COL11A2: variants seen among roughly 807,000 people sequenced by gnomAD.
COL11A2 encodes collagen type XI alpha 2 chain.
In COL11A2, 116 loss-of-function variants were observed where a neutral mutation model predicts 273.4. The ratio of observed to expected loss-of-function variants is 0.42; its 90% CI spans 0.36 to 0.49. The LOEUF is 0.49. Among genes scored for constraint, COL11A2 ranks in the 20% least tolerant of loss-of-function variants. The probability of loss-of-function intolerance (pLI) is 0.00; values close to 1 mark genes in which losing one functional copy is unlikely to be tolerated. For synonymous variants in COL11A2, 782 were observed against 864.2 expected, an observed-to-expected ratio of 0.90 and a Z score of 1.67; for missense variants, 1,866 against 2,309.0, an observed-to-expected ratio of 0.81 and a Z score of 3.93.
chr6:33,173,193 GC>G lies in COL11A2; in HGVS notation c.2737-81del. On this transcript the variant is annotated intron_variant, in intron 37 of 65. Transcript: ENST00000341947. This position sits in a 1 kb window ranked among gnomAD's most constrained non-coding sequence, Gnocchi z 6.3. The stretch of plus-strand genomic sequence containing the variant: ...AGATTCCCAGGAGGAAGGATCCCAG[GC>G]AGGATCACACCAAGCCCTGGGCCCT... 6.4e-7 allele frequency: 1 copy of G among 1,553,400 alleles called. No homozygotes were observed.
Position 33,163,846 on chromosome 6 carries a change from T to A in COL11A2, c.5071-28A>T, listed in dbSNP as rs902194169. 1 of 1,612,644 alleles carries A rather than the reference T, an allele frequency of 6.2e-7. No homozygotes were observed. The highest frequency in any genetic ancestry group is 8.5e-7 in the Non-Finnish European group (1 of 1,179,864). On this transcript the variant is annotated intron_variant, in intron 65 of 65. Transcript: ENST00000341947. This position sits in a 1 kb window ranked among gnomAD's most constrained non-coding sequence, Gnocchi z 4.1. ...TCAGGGGGAGACAAGGAAGAAAGTG[T>A]GAGCAGGATGGAGGCACCCCCCACC...
intron 12 of COL11A2, 44 bp downstream of exon 12, chr6:33,180,214 T>C: frequency 6.4e-7 from 1 of 1,570,152 alleles, no homozygotes; most frequent in Non-Finnish European, 8.8e-7. Flanking sequence ...CACAATTCCT[T>C]GTCTTCCCCA....
intron 3 of COL11A2, 96 bp downstream of exon 3, chr6:33,188,882 G>A: frequency 5.8e-6 from 8 of 1,385,214 alleles, no homozygotes; most frequent in African/African-American, 1.4e-5. Context: ...GTGGCCCAAA[G>A]GGTCTCAAGG....
At chr6:33,185,555 A>AGGG in intron 6 of COL11A2, 146 bp downstream of exon 6, 1 of 457,566 alleles carries the variant, frequency 2.2e-6, no homozygotes, top group Non-Finnish European at 4.4e-6. Context: ...AGAGACAGGG[A>AGGG]GGGGGCAGGA....
rs115879584 is a variant in COL11A2 at position 33,185,189 on chromosome 6, A to C, written c.877-135T>G. ...TGCTGGGGGATGGGGGAAATCTCAG[A>C]TCTTGCAGCCCCTTTGGAGGGGGAT... On this transcript the variant is annotated intron_variant, in intron 6 of 65. Coordinates refer to ENST00000341947, the MANE Select transcript of COL11A2 (RefSeq NM_080680.3). The C allele has an allele frequency of 0.12, 89,632 of 720,278 alleles. 7,622 individuals are homozygous for C. The highest frequency in any genetic ancestry group is 0.31 in the Admixed American group (15,085 of 49,296). The allele number at this position is 720,278 out of a possible 1,614,324, so 44.6% of individuals were successfully genotyped here.
Position 33,166,550 on chromosome 6 carries a change from G to A in COL11A2, c.4355C>T (p.Ser1452Phe). 6.2e-7 allele frequency: 1 copy of A among 1,613,856 alleles called. No homozygotes were observed. The highest frequency in any genetic ancestry group is 8.5e-7 in the Non-Finnish European group (1 of 1,179,864). Residue 1452 changes from serine (S) to phenylalanine (F), a missense_variant, in exon 60 of 66, where the codon TCC becomes TTC. By Grantham distance (155) the Ser-to-Phe change is radical (BLOSUM62 -2). Transcript: ENST00000341947. The surrounding 1 kb of genome is among the most constrained non-coding windows in gnomAD (Gnocchi z 4.8). ...QKGEMGIPGA[S>F]GPIGPGGPPG... ...GGGACCTCCAGGACCAATGGGGCCG[G>A]ATGCTCCTGGGATACCCTAGGAAGG...
intron 11 of COL11A2, 122 bp downstream of exon 11, chr6:33,180,546 A>C: frequency 9.5e-7 from 1 of 1,048,700 alleles, no homozygotes; most frequent in Non-Finnish European, 1.4e-6. Context: ...GCTGGGAAGC[A>C]CAACCATCCC....
intron 30 of COL11A2, 129 bp downstream of exon 30, chr6:33,175,445 A>G: frequency 1.3e-6 from 1 of 771,690 alleles, no homozygotes; most frequent in Non-Finnish European, 2.3e-6. Context: ...ATTTACACAG[A>G]CAGAAGTATG....
chr6:33,186,929 A>G, intron 4 of COL11A2, 111 bp from the exon 5 acceptor site: 1 of 1,454,610 alleles, frequency 6.9e-7, no homozygotes, highest in African/African-American at 1.4e-5. Context: ...AAGATGGGAG[A>G]AGGTCACTGT....
chr6:33,176,399 C>G lies in COL11A2; in HGVS notation c.2169+34G>C. 1 of 1,610,664 alleles carries G rather than the reference C, an allele frequency of 6.2e-7. No homozygotes were observed. Among genetic ancestry groups the G allele is most frequent in the Non-Finnish European group, 8.5e-7 (1 of 1,178,864 alleles). ...AGACCCCATATAGCTCCCCTGACCA[C>G]AGCCCTTTGTCTCCCAGCCTGGTGG... On this transcript the variant is annotated intron_variant, in intron 27 of 65. Transcript: ENST00000341947. The surrounding 1 kb of genome is among the most constrained non-coding windows in gnomAD (Gnocchi z 4.9).
chr6:33,175,623 C>A lies in COL11A2; in HGVS notation c.2327G>T (p.Arg776Leu), dbSNP rs748159740. ...CCCAGGGTCTCCAGTCGGTCCAGTG[C>A]GTCCCTTTGGCCCCTCAGGACCATC... Reference protein sequence around the residue: ...GEDGPEGPKGRTGPTGDPGPP... With the variant: ...GEDGPEGPKGLTGPTGDPGPP... The change falls in exon 30 of 66, where the codon CGC becomes CTC. Residue 776 changes from arginine to leucine, a missense_variant. Transcript: ENST00000341947. The A allele has an allele frequency of 6.2e-7, 1 of 1,612,944 alleles. No homozygotes were observed. The highest frequency in any genetic ancestry group is 8.5e-7 in the Non-Finnish European group (1 of 1,180,006).
chr6:33,172,281 A>T lies in COL11A2; in HGVS notation c.2988+8T>A. On this transcript the variant is annotated splice_region_variant and intron_variant, in intron 40 of 65. Transcript: ENST00000341947. The stretch of plus-strand genomic sequence containing the variant: ...TGTGACAGGCAGGGGTCTGGGAGTC[A>T]CACTCACAGCAGTGCCTGGGAGGCC... The T allele has an allele frequency of 2.5e-6, 4 of 1,584,242 alleles. No individual in the cohort carries two copies. The highest frequency in any genetic ancestry group is 3.4e-6 in the Non-Finnish European group (4 of 1,165,472).
rs776791233 is a variant in COL11A2 at position 33,188,404 on chromosome 6, C to T, written c.564G>A (p.Val188=). The change falls in exon 4 of 66, where the codon GTG becomes GTA. Residue 188 remains valine (V), a synonymous_variant. Transcript: ENST00000341947. ...CCAGAATACGGGCACCAAAGATGAT[C>T]ACTCCATGGGTGTCCAATACTGGAC... ...SARPVLDTHG[V]IIFGARILDE... The T allele has an allele frequency of 4.3e-6, 7 of 1,612,914 alleles. No individual in the cohort carries two copies. The Admixed American group carries it at 8.3e-5, about 19-fold the overall frequency.
At position 33,172,278 on chromosome 6, in the gene COL11A2, G is replaced by A; in HGVS notation, c.2988+11C>T. ...GCTTGTGACAGGCAGGGGTCTGGGA[G>A]TCACACTCACAGCAGTGCCTGGGAG... On this transcript the variant is annotated intron_variant, in intron 40 of 65. Transcript: ENST00000341947. 6.3e-7 allele frequency: 1 copy of A among 1,584,798 alleles called. No homozygotes were observed. The highest frequency in any genetic ancestry group is 8.6e-7 in the Non-Finnish European group (1 of 1,165,846).
rs1208186272 is a variant in COL11A2, at chr6:33,175,529, C to T, written c.2376+45G>A. Reference sequence around the variant, plus strand: ...ACCCATGCCCATCCTGACCCCAGTGCCCACACCCCCAGAGGACCCAGGCAC... The same window carrying T: ...ACCCATGCCCATCCTGACCCCAGTGTCCACACCCCCAGAGGACCCAGGCAC... On this transcript the variant is annotated intron_variant, in intron 30 of 65. Transcript: ENST00000341947. The T allele has an allele frequency of 2.6e-6, 4 of 1,562,834 alleles. 1 individual carries two copies. The highest frequency in any genetic ancestry group is 3.5e-6 in the Non-Finnish European group (4 of 1,136,850).
In COL11A2 at chr6:33,188,453, G is replaced by A; in HGVS notation, c.515C>T (p.Thr172Ile). The stretch of plus-strand genomic sequence containing the variant: ...ACGAGCACTTCGGGGGAGAGGCCGG[G>A]TGACTCGCTTCTTGCAGTCAACAAT... Reference protein sequence around the residue: ...TLIVDCKKRVTRPLPRSARPV... With the variant: ...TLIVDCKKRVIRPLPRSARPV... Residue 172 changes from threonine (T) to isoleucine (I), a missense_variant, in exon 4 of 66, where the codon ACC (threonine) becomes ATC (isoleucine). Physicochemically the swap from Thr to Ile is moderately conservative, Grantham distance 89. Coordinates refer to ENST00000341947, the MANE Select transcript of COL11A2 (RefSeq NM_080680.3). 1 of 1,613,046 alleles carries A rather than the reference G, an allele frequency of 6.2e-7. No homozygotes were observed. Among genetic ancestry groups the A allele is most frequent in the Non-Finnish European group, 8.5e-7 (1 of 1,180,036 alleles).
Position 33,179,174 on chromosome 6 carries a change from G to T in COL11A2, c.1558-48C>A, listed in dbSNP as rs1161691540. The T allele has an allele frequency of 6.2e-7, 1 of 1,611,840 alleles. No individual in the cohort carries two copies. Among genetic ancestry groups the T allele is most frequent in the Admixed American group, 1.7e-5 (1 of 59,606 alleles). On this transcript the variant is annotated intron_variant, in intron 15 of 65. Transcript: ENST00000341947. This position sits in a 1 kb window ranked among gnomAD's most constrained non-coding sequence, Gnocchi z 6.4. The stretch of plus-strand genomic sequence containing the variant: ...GGGGTTAGGAGGCATAGGGAGGGGA[G>T]TGAGGGAGACTGAGCTGGTGAACAG...
At chr6:33,192,833 T>TG (rs1394673589), upstream of COL11A2, among the ~76,000 whole-genome samples, 3 of 151,738 alleles carry the variant, frequency 2.0e-5, no homozygotes, top group African/African-American at 4.8e-5. Context: ...GAGGCGGGCC[T>TG]GGGGGTCGCA....
intron 5 of COL11A2, among the ~76,000 whole-genome samples, chr6:33,186,290 T>A (rs1017129095): frequency 6.6e-6 from 1 of 151,984 alleles, no homozygotes; most frequent in African/African-American, 2.4e-5. Flanking sequence ...TCTCCTGGCT[T>A]CAGTCCCCTC....
Sources: gnomAD v4.1 joint callset for allele counts (sites outside exome capture counted in the v4.1 genomes callset) on GRCh38, gnomAD v4.1.1 for gene constraint, Gnocchi (gnomAD v3.1) non-coding constraint, MANE v1.5 for transcripts, NCBI Gene and HGNC (gene_info 2026-07-23, HGNC 2026-07-21) for gene names.